DBT: variants seen among roughly 807,000 people sequenced by gnomAD.
DBT encodes lipoamide acyltransferase component of branched-chain alpha-keto acid dehydrogenase complex, mitochondrial.
In DBT, 40 loss-of-function variants were observed where a neutral mutation model predicts 51.3. That is an observed-to-expected ratio of 0.78 (90% CI 0.61 to 1.02). The LOEUF (loss-of-function observed/expected upper bound fraction) is 1.02. Ranked by LOEUF, DBT falls within the 50% of genes least tolerant of loss-of-function variation. The pLI, the probability that DBT is intolerant of heterozygous loss-of-function variation, is 0.00. For missense variants in DBT, 510 were observed against 580.2 expected (o/e 0.88, Z 1.24); for synonymous variants, 181 against 190.4 (o/e 0.95, Z 0.41).
At chr1:100,209,106 T>A (rs1661979297) in intron 8 of DBT, among the ~76,000 whole-genome samples, 1 of 150,942 alleles carries the variant, frequency 6.6e-6, no homozygotes, top group South Asian at 2.1e-4. Flanking sequence ...TTCTTTTTTT[T>A]TTTTTGACAA....
At position 100,196,430 on chromosome 1, in the gene DBT, T is replaced by TCAAAAA; in HGVS notation, c.1282-9_1282-8insTTTTTG. On this transcript the variant is annotated splice_polypyrimidine_tract_variant and intron_variant, in intron 10 of 10. Coordinates refer to ENST00000370132, the MANE Select transcript of DBT (RefSeq NM_001918.5). ...GTTAAATCGGGGAATGGCCTAGAAA[T>TCAAAAA]GAAAAAAAAAAAAAAAAAAAAAAAA... 2.0e-6 allele frequency: 1 copy of TCAAAAA among 504,516 alleles called. No homozygotes were observed. Among genetic ancestry groups the TCAAAAA allele is most frequent in the South Asian group, 9.1e-5 (1 of 10,964 alleles). 31.3% of individuals were successfully genotyped at this position (504,516 alleles called of 1,614,324 possible).
rs1215187590 is a variant in DBT, at chr1:100,189,131, A to C, written c.*7124T>G. 6.6e-6 allele frequency: 1 copy of C among 152,250 alleles called. No individual in the cohort carries two copies. 9.4% of individuals were successfully genotyped at this position (152,250 alleles called of 1,614,324 possible). On this transcript the variant is annotated 3_prime_UTR_variant, in exon 11 of 11. Coordinates refer to ENST00000370132, the MANE Select transcript of DBT (RefSeq NM_001918.5). ...GGAGGCGGGCAGATCACTTGAGGTC[A>C]GGAGTTCGAGACCAGCCTGGCCAAC...
chr1:100,218,833 C>A, intron 4 of DBT, 86 bp from the exon 5 acceptor site: 7 of 944,704 alleles, frequency 7.4e-6, no homozygotes, highest in Admixed American at 2.1e-5. Flanking sequence ...AAGATGTGGC[C>A]TATAATATCT....
chr1:100,237,021 A>T (rs1663905675), intron 2 of DBT, among the ~76,000 whole-genome samples: 1 of 152,188 alleles, frequency 6.6e-6, no homozygotes, highest in African/African-American at 2.4e-5. Flanking sequence ...TCCCATCAGG[A>T]GGCCGAGTCT....
rs1660931735 is a variant in DBT, at chr1:100,193,894, C to A, written c.*2361G>T. On this transcript the variant is annotated 3_prime_UTR_variant, in exon 11 of 11. Transcript: ENST00000370132. ...AGGATTACAGGCGTGAGCCACCACA[C>A]CCAGCCTATGCAGCCATTTAAAGCA... 1 of 152,204 alleles carries A rather than the reference C, an allele frequency of 6.6e-6. No homozygotes were observed. The highest frequency in any genetic ancestry group is 1.5e-5 in the Non-Finnish European group (1 of 68,050). 9.4% of individuals were successfully genotyped at this position (152,204 alleles called of 1,614,324 possible). A position where few individuals can be genotyped will look rare whatever the true frequency, so the allele number is the denominator to read the frequency against.
chr1:100,232,941 A>G (rs906272428), intron 3 of DBT, among the ~76,000 whole-genome samples: 4 of 152,220 alleles, frequency 2.6e-5, no homozygotes, highest in African/African-American at 9.6e-5. Context: ...CCTCAGGGCA[A>G]CCACAAAGAA....
chr1:100,225,766 A>C (rs1301301115), intron 4 of DBT, among the ~76,000 whole-genome samples: 1 of 144,028 alleles, frequency 6.9e-6, no homozygotes, highest in Non-Finnish European at 1.5e-5. Context: ...CGGAGGTTGC[A>C]GTGAGCTAGG....
At chr1:100,227,138 T>C (rs1164673547) in intron 4 of DBT, among the ~76,000 whole-genome samples, 1 of 152,198 alleles carries the variant, frequency 6.6e-6, no homozygotes, top group Non-Finnish European at 1.5e-5. Context: ...TATTTGTGTA[T>C]TTAAACATAT....
rs762601023 is a variant in DBT at position 100,240,856 on chromosome 1, C to A, written c.80G>T (p.Gly27Val). 1.2e-6 allele frequency: 2 copies of A among 1,612,734 alleles called. No individual in the cohort carries two copies. Among genetic ancestry groups the A allele is most frequent in the Non-Finnish European group, 1.7e-6 (2 of 1,178,956 alleles). ...ATTTGGCTTCAAAACATGAACATTA[C>A]CACATGTTTGAAAATAGCGAACACA... ...LICVRYFQTC[G>V]NVHVLKPNYV... Residue 27 changes from glycine to valine, a missense_variant, in exon 2 of 11, where the codon GGT (glycine) becomes GTT (valine). Coordinates refer to ENST00000370132, the MANE Select transcript of DBT (RefSeq NM_001918.5).
chr1:100,207,665 A>G (rs536700615), intron 8 of DBT, among the ~76,000 whole-genome samples: 2 of 151,850 alleles, frequency 1.3e-5, no homozygotes, highest in African/African-American at 2.4e-5. Context: ...CTACAAAAAA[A>G]TTTTTTTTAA....
intron 4 of DBT, among the ~76,000 whole-genome samples, chr1:100,230,187 C>T (rs1663459722): frequency 1.3e-5 from 2 of 152,104 alleles, no homozygotes; most frequent in African/African-American, 4.8e-5. Flanking sequence ...ACTAACATCT[C>T]GAGAAGGCAG....
At chr1:100,213,900 CA>C (rs1662323081) in intron 7 of DBT, among the ~76,000 whole-genome samples, 1 of 116,620 alleles carries the variant, frequency 8.6e-6, no homozygotes, top group Admixed American at 9.8e-5. Flanking sequence ...TTGCAGTCTT[CA>C]ATTTGAGAAA....
intron 9 of DBT, 67 bp from the exon 10 acceptor site, chr1:100,206,368 T>C (rs1661789829): frequency 6.4e-7 from 1 of 1,563,176 alleles, no homozygotes; most frequent in African/African-American, 1.4e-5. Flanking sequence ...AAATGCCAAG[T>C]GACTTTTCTA....
At position 100,199,932 on chromosome 1, in the gene DBT, C is replaced by T. The variant is rs188110246; in HGVS notation, c.1282-3510G>A. On this transcript the variant is annotated intron_variant, in intron 10 of 10. Coordinates refer to ENST00000370132, the MANE Select transcript of DBT (RefSeq NM_001918.5). ...CAGGATATTCCCTCGGATGCCTACTCCACAAGGGCCCTGAGTTTCAAGCAC... is the reference window on the plus strand; with the variant it reads ...CAGGATATTCCCTCGGATGCCTACTTCACAAGGGCCCTGAGTTTCAAGCAC... 1.3e-3 allele frequency among the ~76,000 whole-genome samples: 199 copies of T among 152,284 alleles called. 1 individual carries two copies. The highest frequency in any genetic ancestry group is 4.7e-3 in the African/African-American group (197 of 41,552).
intron 6 of DBT, among the ~76,000 whole-genome samples, chr1:100,215,512 T>C (rs1662422403): frequency 6.6e-6 from 1 of 152,228 alleles, no homozygotes; most frequent in African/African-American, 2.4e-5. Flanking sequence ...CTGGAAAAGC[T>C]ATGCTATTTC....
chr1:100,221,216 T>C (rs1356965506), intron 4 of DBT, among the ~76,000 whole-genome samples: 2 of 152,218 alleles, frequency 1.3e-5, no homozygotes, highest in African/African-American at 4.8e-5. Flanking sequence ...CAAACTTACT[T>C]GTGAGAAGTC....
At chr1:100,221,052 G>A (rs1557951800) in intron 4 of DBT, among the ~76,000 whole-genome samples, 1 of 152,178 alleles carries the variant, frequency 6.6e-6, no homozygotes, top group Non-Finnish European at 1.5e-5. Flanking sequence ...TGAAGAGAAT[G>A]TATAAATATC....
chr1:100,223,772 C>A (rs948449275), intron 4 of DBT, among the ~76,000 whole-genome samples: 1 of 151,864 alleles, frequency 6.6e-6, no homozygotes, highest in Non-Finnish European at 1.5e-5. Context: ...ATGGTCTAAA[C>A]CACATTTACA....
In DBT at chr1:100,206,455, T is replaced by G; in HGVS notation, c.1199A>C (p.Asn400Thr). The change falls in exon 9 of 11, where the codon AAC (asparagine) becomes ACC (threonine). Residue 400 changes from asparagine (N) to threonine (T), a missense_variant. By Grantham distance (65) the Asn-to-Thr change is moderately conservative (BLOSUM62 0). Transcript: ENST00000370132. ...AACATTATTACTCACTGATCCAATG[T>G]TGGAAAGAGTAAATGTTCCTCCTGT... ...DLTGGTFTLS[N>T]IGSIGGTFAK... The G allele has an allele frequency of 2.5e-6, 4 of 1,612,554 alleles. No individual in the cohort carries two copies. Among genetic ancestry groups the G allele is most frequent in the Non-Finnish European group, 3.4e-6 (4 of 1,178,626 alleles).
Sources: gnomAD v4.1 joint callset for allele counts (sites outside exome capture counted in the v4.1 genomes callset) on GRCh38, gnomAD v4.1.1 for gene constraint, MANE v1.5 for transcripts, NCBI Gene and HGNC (gene_info 2026-07-23, HGNC 2026-07-21) for gene names.